The following EIF6 variants were observed in gnomAD, a reference collection of about 807,000 sequenced individuals.
EIF6 encodes eukaryotic translation initiation factor 6.
EIF6 carries 10 observed loss-of-function variants against 25.5 expected under a neutral mutation model. That is an observed-to-expected ratio of 0.39 (90% CI 0.24 to 0.66). EIF6 has a LOEUF of 0.66. EIF6 is among the 30% of genes least tolerant of loss of function. EIF6 has a pLI of 0.45. For synonymous variants in EIF6, 122 were observed against 122.6 expected, an observed-to-expected ratio of 1.00 and a Z score of 0.03; for missense variants, 246 against 315.4, an observed-to-expected ratio of 0.78 and a Z score of 1.67.
chr20:35,282,649 G>C (rs1467096469), intron 3 of EIF6, among the ~76,000 whole-genome samples: 1 of 151,596 alleles, frequency 6.6e-6, no homozygotes, highest in Non-Finnish European at 1.5e-5. Context: ...TTATTGCCCA[G>C]GCTGAAATGC....
rs1334558806 is a variant in EIF6, at chr20:35,284,695, A to G, written c.-6+31T>C. Reference sequence around the variant, plus strand: ...CCCTCCCGACCCAGGACCGGAGCTGACCCTCCCAGGTTCCCCTCACACCAG... The same window carrying G: ...CCCTCCCGACCCAGGACCGGAGCTGGCCCTCCCAGGTTCCCCTCACACCAG... On this transcript the variant is annotated intron_variant, in intron 1 of 6. Coordinates refer to ENST00000374450, the MANE Select transcript of EIF6 (RefSeq NM_002212.4). The G allele has an allele frequency of 4.9e-6, 3 of 612,160 alleles. No homozygotes were observed. The African/African-American group carries it at 5.6e-5, about 11-fold the overall frequency. 37.9% of individuals were successfully genotyped at this position (612,160 alleles called of 1,614,324 possible).
intron 3 of EIF6, 52 bp downstream of exon 3, chr20:35,284,124 T>C: frequency 6.5e-7 from 1 of 1,535,752 alleles, no homozygotes; most frequent in Non-Finnish European, 8.7e-7. Flanking sequence ...GGGGGTGTAA[T>C]TAATGGTGCT....
rs1240196447 is a variant in EIF6 at position 35,280,685 on chromosome 20, T to C, written c.338A>G (p.Tyr113Cys). 6.2e-7 allele frequency: 1 copy of C among 1,613,642 alleles called. No homozygotes were observed. The highest frequency in any genetic ancestry group is 1.3e-5 in the African/African-American group (1 of 74,914). The change falls in exon 4 of 7, where the codon TAC (tyrosine) becomes TGC (cysteine). Residue 113 changes from tyrosine (Y) to cysteine (C), a missense_variant. By Grantham distance (194) the Tyr-to-Cys change is radical. Transcript: ENST00000374450. ...CAAGTCTGGGTGGACCAAGGCCACG[T>C]AGTCATTGCAGGTGGTGACATTGCC... ...ALGNVTTCNDYVALVHPDLDR... is the reference protein window; with the variant it reads ...ALGNVTTCNDCVALVHPDLDR...
intron 3 of EIF6, among the ~76,000 whole-genome samples, chr20:35,282,039 AG>A (rs1001977192): frequency 6.9e-6 from 1 of 145,344 alleles, no homozygotes; most frequent in African/African-American, 2.6e-5. Context: ...CCCAGGCTGG[AG>A]TGCAGTGGCA....
intron 3 of EIF6, among the ~76,000 whole-genome samples, chr20:35,283,220 G>A (rs773886659): frequency 2.0e-5 from 3 of 152,084 alleles, no homozygotes; most frequent in Non-Finnish European, 4.4e-5. Flanking sequence ...CTTGAAGAGA[G>A]TGTTGCAGTG....
intron 2 of EIF6, 27 bp downstream of exon 2, chr20:35,284,354 C>A (rs1423882998): frequency 6.2e-7 from 1 of 1,613,774 alleles, no homozygotes. Flanking sequence ...CTCCCCGCCA[C>A]CGTAAGCCCC....
chr20:35,284,678 A>T (rs1430771802), intron 1 of EIF6, 48 bp downstream of exon 1: 4 of 654,230 alleles, frequency 6.1e-6, no homozygotes, highest in Non-Finnish European at 1.0e-5. Flanking sequence ...ACCCCTCCCG[A>T]CCCAGGACCG....
chr20:35,282,839 A>G (rs1711970521), intron 3 of EIF6, among the ~76,000 whole-genome samples: 1 of 151,958 alleles, frequency 6.6e-6, no homozygotes, highest in Non-Finnish European at 1.5e-5. Context: ...CGAACTGCTG[A>G]CCTCAGGTGA....
chr20:35,281,992 T>A (rs887365247), intron 3 of EIF6, among the ~76,000 whole-genome samples: 6 of 147,356 alleles, frequency 4.1e-5, no homozygotes, highest in African/African-American at 1.5e-4. Context: ...CACTATTACT[T>A]TTTTTTTTTT....
chr20:35,279,316 C>T lies in EIF6; in HGVS notation c.729-110G>A. 5 of 1,443,046 alleles carry T rather than the reference C, an allele frequency of 3.5e-6. No individual in the cohort carries two copies. The South Asian group carries it at 5.9e-5, about 17-fold the overall frequency. The allele number at this position is 1,443,046 out of a possible 1,614,324, so 89.4% of individuals were successfully genotyped here. On this transcript the variant is annotated intron_variant, in intron 6 of 6. Coordinates refer to ENST00000374450, the MANE Select transcript of EIF6 (RefSeq NM_002212.4). ...TCCCGGGACCAGCTCTGACAAGCTG[C>T]TCAAGCAGCTACTGCTCTAGTATCC...
intron 6 of EIF6, 88 bp downstream of exon 6, chr20:35,279,478 C>T: frequency 6.5e-7 from 1 of 1,544,182 alleles, no homozygotes; most frequent in Non-Finnish European, 8.8e-7. Context: ...CTGGTAGGCT[C>T]CCATTCTAGA....
intron 3 of EIF6, among the ~76,000 whole-genome samples, chr20:35,283,171 G>T (rs912634815): frequency 4.6e-5 from 7 of 152,132 alleles, no homozygotes; most frequent in African/African-American, 1.7e-4. Context: ...GGATGCGCCT[G>T]TAATCCCAGC....
At chr20:35,280,850 G>C in intron 3 of EIF6, 21 bp from the exon 4 acceptor site, 2 of 1,612,426 alleles carry the variant, frequency 1.2e-6, no homozygotes, top group Non-Finnish European at 1.7e-6. Context: ...CCAAATTAGA[G>C]GGTGAATACA....
rs201380485 is a variant in EIF6 at position 35,279,739 on chromosome 20, A to G, written c.555T>C (p.Thr185=). The G allele has an allele frequency of 1.9e-6, 3 of 1,614,100 alleles. No homozygotes were observed. The highest frequency in any genetic ancestry group is 8.5e-7 in the Non-Finnish European group (1 of 1,180,018). The change falls in exon 6 of 7, where the codon ACT becomes ACC. Residue 185 remains threonine, a synonymous_variant. Transcript: ENST00000374450. ...CAATCACCTCACTGCCTCGGTTCAC[A>G]GTCCCCGCCTGCCAAGGGATGGGCT... ...SLLQVPLVAG[T]VNRGSEVIAA...
chr20:35,281,742 A>C (rs1347097482), intron 3 of EIF6, among the ~76,000 whole-genome samples: 1 of 152,018 alleles, frequency 6.6e-6, no homozygotes, highest in Non-Finnish European at 1.5e-5. Flanking sequence ...CACTGCCCCC[A>C]GCCAGAATGA....
At chr20:35,279,888 C>G (rs2060757892) in intron 5 of EIF6, 54 bp downstream of exon 5, 2 of 1,596,306 alleles carry the variant, frequency 1.3e-6, no homozygotes, top group Non-Finnish European at 1.7e-6. Context: ...CTCCCAAACA[C>G]TAGGCAAAAG....
chr20:35,279,915 C>T (rs376615098), intron 5 of EIF6, 27 bp downstream of exon 5: 43 of 1,606,846 alleles, frequency 2.7e-5, no homozygotes, highest in African/African-American at 1.2e-4. Context: ...CCTCGGGAGA[C>T]GGGGTTCAGA....
chr20:35,280,675 C>T lies in EIF6; in HGVS notation c.348G>A (p.Leu116=). 1 of 1,613,608 alleles carries T rather than the reference C, an allele frequency of 6.2e-7. No homozygotes were observed. Among genetic ancestry groups the T allele is most frequent in the South Asian group, 1.1e-5 (1 of 90,862 alleles). ...TCACCCTGTCCAAGTCTGGGTGGAC[C>T]AAGGCCACGTAGTCATTGCAGGTGG... ...NVTTCNDYVA[L]VHPDLDRETE... Residue 116 remains leucine, a synonymous_variant, in exon 4 of 7, where the codon TTG becomes TTA. Transcript: ENST00000374450.
intron 3 of EIF6, among the ~76,000 whole-genome samples, chr20:35,281,074 A>G (rs577084143): frequency 1.4e-4 from 22 of 152,282 alleles, no homozygotes; most frequent in African/African-American, 5.1e-4. Flanking sequence ...CATTAGCTGT[A>G]TATTTTGCTA....
Sources: gnomAD v4.1 joint callset for allele counts (sites outside exome capture counted in the v4.1 genomes callset) on GRCh38, gnomAD v4.1.1 for gene constraint, MANE v1.5 for transcripts, NCBI Gene and HGNC (gene_info 2026-07-23, HGNC 2026-07-21) for gene names.